GMCL1: variants seen among roughly 807,000 people sequenced by gnomAD.
GMCL1 encodes the protein germ cell-less 1, spermatogenesis associated.
A neutral mutation model predicts 75.5 loss-of-function variants in GMCL1; 54 were observed. That is an observed-to-expected ratio of 0.71 (90% CI 0.57 to 0.90). The LOEUF (loss-of-function observed/expected upper bound fraction) is 0.90, where lower values mean the gene tolerates loss of function less well. Among genes scored for constraint, GMCL1 ranks in the 40% least tolerant of loss-of-function variants. The pLI is 0.00. For missense variants in GMCL1, 537 were observed against 622.7 expected (o/e 0.86, Z 1.47); for synonymous variants, 210 against 209.6 (o/e 1.00, Z -0.02).
At chr2:69,856,436 A>G (rs904462533) in intron 9 of GMCL1, among the ~76,000 whole-genome samples, 5 of 152,132 alleles carry the variant, frequency 3.3e-5, no homozygotes, top group Admixed American at 6.6e-5. Context: ...TTAGGATTCA[A>G]CTGTGTCAAG....
In GMCL1 at chr2:69,849,749, C is replaced by T. The variant is rs774472315; in HGVS notation, c.934+7C>T. ...TTTTCTAAACAGAGGAAAGGTAGGC[C>T]TGAAGTTTTTGAGAACTTGTCTTTT... On this transcript the variant is annotated splice_region_variant and intron_variant, in intron 8 of 13. Coordinates refer to ENST00000282570, the MANE Select transcript of GMCL1 (RefSeq NM_178439.5). 1.3e-6 allele frequency: 2 copies of T among 1,540,648 alleles called. No homozygotes were observed. Among genetic ancestry groups the T allele is most frequent in the Non-Finnish European group, 1.7e-6 (2 of 1,145,614 alleles).
At chr2:69,843,740 G>A (rs967350997) in intron 5 of GMCL1, among the ~76,000 whole-genome samples, 2 of 152,214 alleles carry the variant, frequency 1.3e-5, no homozygotes, top group Admixed American at 6.5e-5. Context: ...GCAATGAGCC[G>A]TGATCATGCC....
At position 69,835,084 on chromosome 2, in the gene GMCL1, C is replaced by T. The variant is rs142224500; in HGVS notation, c.261-2463C>T. Among the ~76,000 whole-genome samples, 168 of 152,162 alleles carry T rather than the reference C, an allele frequency of 1.1e-3. 1 individual carries two copies. Among genetic ancestry groups the T allele is most frequent in the Middle Eastern group, 6.8e-3 (2 of 294 alleles). On this transcript the variant is annotated intron_variant, in intron 1 of 13. Coordinates refer to ENST00000282570, the MANE Select transcript of GMCL1 (RefSeq NM_178439.5). ...AGCATGCCCCACCTATAACCAACTT[C>T]GTAGTCTTCTTACTCAAAGAAGAGG...
At chr2:69,853,001 T>C (rs1362102125) in intron 8 of GMCL1, among the ~76,000 whole-genome samples, 1 of 152,248 alleles carries the variant, frequency 6.6e-6, no homozygotes, top group Non-Finnish European at 1.5e-5. Context: ...GGCCACATGT[T>C]GTCCAGCAAG....
At chr2:69,849,775 A>T in intron 8 of GMCL1, 33 bp downstream of exon 8, 1 of 1,372,824 alleles carries the variant, frequency 7.3e-7, no homozygotes, top group Non-Finnish European at 1.0e-6. Flanking sequence ...CTTGTCTTTT[A>T]AAAGGAAATT....
chr2:69,878,674 C>T (rs143840934), intron 13 of GMCL1, among the ~76,000 whole-genome samples: 252 of 152,128 alleles, frequency 1.7e-3, no homozygotes, highest in African/African-American at 5.9e-3. Context: ...TTGCAAAACC[C>T]CCTGTGTATT....
chr2:69,863,561 A>G (rs1675719127), intron 10 of GMCL1, among the ~76,000 whole-genome samples: 1 of 152,230 alleles, frequency 6.6e-6, no homozygotes, highest in Non-Finnish European at 1.5e-5. Context: ...ATGACAGTTA[A>G]GGGATTATAG....
chr2:69,837,613 C>T lies in GMCL1; in HGVS notation c.327C>T (p.Asp109=). Residue 109 remains aspartate (D), a synonymous_variant, in exon 2 of 14, where the codon GAC becomes GAT. Transcript: ENST00000282570. ...TATTTTTGAATGGTGAAAACAGTGA[C>T]ATTAAGATTTGTGCTCTAGGAGAAG... ...QTLFLNGENS[D]IKICALGEEW... is the part of the protein sequence containing the mutation. 1 of 1,605,902 alleles carries T rather than the reference C, an allele frequency of 6.2e-7. No homozygotes were observed. The highest frequency in any genetic ancestry group is 8.5e-7 in the Non-Finnish European group (1 of 1,177,266).
intron 10 of GMCL1, among the ~76,000 whole-genome samples, chr2:69,864,521 G>A (rs1164326575): frequency 6.7e-6 from 1 of 149,926 alleles, no homozygotes; most frequent in Admixed American, 6.7e-5. Flanking sequence ...AGTGGTAGGT[G>A]ATATCAAGTC....
At position 69,829,712 on chromosome 2, in the gene GMCL1, G is replaced by T. The variant is rs1472872414; in HGVS notation, c.-181G>T. 3 of 678,500 alleles carry T rather than the reference G, an allele frequency of 4.4e-6. No homozygotes were observed. The highest frequency in any genetic ancestry group is 7.1e-6 in the Non-Finnish European group (3 of 422,144). The allele number at this position is 678,500 out of a possible 1,614,324, so 42.0% of individuals were successfully genotyped here. On this transcript the variant is annotated 5_prime_UTR_variant, in exon 1 of 14. Transcript: ENST00000282570. Reference sequence around the variant, plus strand: ...GTGCTGCGGTGCTAGAGCGCGGCGCGACCGGACGCTGCGGGCGGGGAAGAG... The same window carrying T: ...GTGCTGCGGTGCTAGAGCGCGGCGCTACCGGACGCTGCGGGCGGGGAAGAG...
chr2:69,837,225 AATCT>A (rs139671991), intron 1 of GMCL1, among the ~76,000 whole-genome samples: 1 of 152,332 alleles, frequency 6.6e-6, no homozygotes, highest in African/African-American at 2.4e-5. Context: ...CTAACTTCTT[AATCT>A]ATTGAATGGG....
At chr2:69,877,825 A>C (rs1676168204) in intron 13 of GMCL1, among the ~76,000 whole-genome samples, 1 of 152,176 alleles carries the variant, frequency 6.6e-6, no homozygotes, top group Admixed American at 6.5e-5. Context: ...CTTCAGTCAC[A>C]CAGATATTCT....
intron 12 of GMCL1, among the ~76,000 whole-genome samples, chr2:69,871,179 ATTAT>A (rs1675972397): frequency 6.6e-6 from 1 of 152,240 alleles, no homozygotes; most frequent in East Asian, 1.9e-4. Flanking sequence ...AAAATAGAAC[ATTAT>A]TTAGCCTTGA....
chr2:69,831,198 C>T (rs1249079651), intron 1 of GMCL1, among the ~76,000 whole-genome samples: 1 of 152,136 alleles, frequency 6.6e-6, no homozygotes, highest in African/African-American at 2.4e-5. Context: ...GAATTATAGG[C>T]GTGAGCCACT....
At chr2:69,837,380 A>C (rs1162236836) in intron 1 of GMCL1, among the ~76,000 whole-genome samples, 167 bp from the exon 2 acceptor site, 3 of 152,184 alleles carry the variant, frequency 2.0e-5, no homozygotes. Flanking sequence ...GTACTCTTCT[A>C]GACACAAGAA....
intron 5 of GMCL1, among the ~76,000 whole-genome samples, chr2:69,843,844 G>A (rs1252230337): frequency 6.6e-6 from 1 of 152,084 alleles, no homozygotes. Flanking sequence ...TGCAGTACCT[G>A]TTTTGAGATT....
At chr2:69,838,270 G>C (rs1674876702) in intron 2 of GMCL1, among the ~76,000 whole-genome samples, 1 of 144,890 alleles carries the variant, frequency 6.9e-6, no homozygotes, top group East Asian at 2.1e-4. Context: ...CTGGGAGATG[G>C]AGGTTGCAGT....
chr2:69,841,104 C>G, intron 4 of GMCL1, 65 bp downstream of exon 4: 1 of 1,050,278 alleles, frequency 9.5e-7, no homozygotes, highest in South Asian at 1.5e-5. Flanking sequence ...GTGTGTACTC[C>G]AAAAACAAAA....
rs148658604 is a variant in GMCL1, at chr2:69,876,776, A to G, written c.1453-2133A>G. On this transcript the variant is annotated intron_variant, in intron 13 of 13. Coordinates refer to ENST00000282570, the MANE Select transcript of GMCL1 (RefSeq NM_178439.5). ...GACCAAGGCCAGAGGATTGCTTGAGACCAGGAGTTCAAGACCAGCCCTGGC... is the reference window on the plus strand; with the variant it reads ...GACCAAGGCCAGAGGATTGCTTGAGGCCAGGAGTTCAAGACCAGCCCTGGC... 2.0e-5 allele frequency among the ~76,000 whole-genome samples: 3 copies of G among 152,208 alleles called. No homozygotes were observed. The East Asian group carries it at 5.8e-4, about 29-fold the overall frequency.
Sources: allele counts gnomAD v4.1 joint callset (sites outside exome capture counted in the v4.1 genomes callset), GRCh38; gene constraint gnomAD v4.1.1; transcripts MANE v1.5; gene names NCBI Gene and HGNC (gene_info 2026-07-23, HGNC 2026-07-21).